DAB1: variants seen among roughly 807,000 people sequenced by gnomAD.
The protein encoded by DAB1 is disabled homolog 1.
In DAB1, 15 loss-of-function variants were observed where a neutral mutation model predicts 64.6. The observed-to-expected ratio is 0.23, with a 90% CI of 0.16 to 0.36. The LOEUF (loss-of-function observed/expected upper bound fraction) is 0.36. DAB1 is among the 10% of genes least tolerant of loss of function. DAB1 has a pLI of 1.00. For missense variants in DAB1, 596 were observed against 706.7 expected, an observed-to-expected ratio of 0.84 and a Z score of 1.78; for synonymous variants, 235 against 251.9, an observed-to-expected ratio of 0.93 and a Z score of 0.64.
At position 58,327,316 on chromosome 1, in the gene DAB1, A is replaced by T. The variant is rs548996286; in HGVS notation, n.309+16036T>A. Among the ~76,000 whole-genome samples, 4 of 152,264 alleles carry T rather than the reference A, an allele frequency of 2.6e-5. No homozygotes were observed. The South Asian group carries it at 8.3e-4, about 32-fold the overall frequency. ...GGGAGGGAGGAAGGAAGGAAGGAAG[A>T]GGAGAAGGAAGAGGAGGAGGCAGGC... On this transcript the variant is annotated intron_variant and non_coding_transcript_variant, in intron 4 of 20. Coordinates refer to the DAB1 transcript ENST00000485760.
Position 57,712,527 on chromosome 1 carries a change from A to G in DAB1, n.552-62862T>C, listed in dbSNP as rs188424955. 1.3e-3 allele frequency among the ~76,000 whole-genome samples: 195 copies of G among 152,248 alleles called. 1 individual carries two copies. Among genetic ancestry groups the G allele is most frequent in the Non-Finnish European group, 2.3e-3 (154 of 68,014 alleles). On this transcript the variant is annotated intron_variant and non_coding_transcript_variant, in intron 6 of 20. Transcript: ENST00000485760. ...AATATTCCAAATTATTTGCTTTTTT[A>G]ATGTTTTAAATGAATTAGAATAGGA...
intron 3 of DAB1, among the ~76,000 whole-genome samples, chr1:58,496,009 A>C (rs922623249): frequency 2.0e-5 from 3 of 152,178 alleles, no homozygotes; most frequent in Admixed American, 1.3e-4. Flanking sequence ...TACTCTGGGA[A>C]TCTCCTAAAA....
chr1:57,783,243 G>A (rs1049010478), intron 6 of DAB1, among the ~76,000 whole-genome samples: 1 of 151,440 alleles, frequency 6.6e-6, no homozygotes, highest in African/African-American at 2.4e-5. Flanking sequence ...TTGAATAGCT[G>A]GGACTAGAGG....
chr1:58,107,055 T>C (rs1361897529), intron 5 of DAB1, among the ~76,000 whole-genome samples: 1 of 151,704 alleles, frequency 6.6e-6, no homozygotes, highest in Non-Finnish European at 1.5e-5. Context: ...AATAACATAG[T>C]CCCAGCCTCC....
intron 4 of DAB1, among the ~76,000 whole-genome samples, chr1:57,119,152 A>G (rs756138905): frequency 6.6e-6 from 1 of 152,196 alleles, no homozygotes; most frequent in Non-Finnish European, 1.5e-5. Context: ...AACTATTTAC[A>G]TACAGGGCAG....
At chr1:57,456,825 G>C (rs1686612668) in intron 7 of DAB1, among the ~76,000 whole-genome samples, 1 of 151,854 alleles carries the variant, frequency 6.6e-6, no homozygotes, top group South Asian at 2.1e-4. Flanking sequence ...TGAAATTTCC[G>C]ACCTGTATCA....
At chr1:58,393,120 C>CTTTT (rs34546253) in intron 3 of DAB1, among the ~76,000 whole-genome samples, 69 of 117,088 alleles carry the variant, frequency 5.9e-4, no homozygotes, top group East Asian at 7.6e-4. Flanking sequence ...ACTTCCAAAT[C>CTTTT]TTTTTTTTTT....
At chr1:58,249,714 G>C (rs1660711790) in intron 4 of DAB1, among the ~76,000 whole-genome samples, 1 of 152,042 alleles carries the variant, frequency 6.6e-6, no homozygotes, top group Non-Finnish European at 1.5e-5. Context: ...GTTTCCCCGG[G>C]ACAGGAAGGG....
At chr1:58,431,806 C>T (rs1306399315) in intron 3 of DAB1, among the ~76,000 whole-genome samples, 1 of 152,022 alleles carries the variant, frequency 6.6e-6, no homozygotes, top group African/African-American at 2.4e-5. Context: ...CTGGTCTAAG[C>T]CATGGGCTCT....
chr1:57,768,705 GCTTT>G (rs745631901), intron 6 of DAB1, among the ~76,000 whole-genome samples: 31 of 151,628 alleles, frequency 2.0e-4, no homozygotes, highest in Non-Finnish European at 3.2e-4. Flanking sequence ...TTGCATATTG[GCTTT>G]CTATTTTTTT....
intron 6 of DAB1, among the ~76,000 whole-genome samples, chr1:57,664,142 G>C (rs888170328): frequency 6.6e-6 from 1 of 152,086 alleles, no homozygotes; most frequent in Non-Finnish European, 1.5e-5. Context: ...AAAGGATGTT[G>C]GCAAGGGTTT....
chr1:58,074,678 T>C (rs1649531951), intron 5 of DAB1, among the ~76,000 whole-genome samples: 1 of 150,226 alleles, frequency 6.7e-6, no homozygotes, highest in African/African-American at 2.5e-5. Context: ...ACAAGTAAAC[T>C]CGTCTTCCCA....
At chr1:57,818,631 G>A (rs1464069621) in intron 6 of DAB1, among the ~76,000 whole-genome samples, 2 of 151,868 alleles carry the variant, frequency 1.3e-5, no homozygotes, top group East Asian at 3.9e-4. Context: ...TACGCATTAG[G>A]TTCTATTGCT....
chr1:57,877,358 T>C (rs2101965268), intron 1 of DAB1, among the ~76,000 whole-genome samples: 1 of 152,182 alleles, frequency 6.6e-6, no homozygotes, highest in African/African-American at 2.4e-5. Context: ...TCTTGACCAT[T>C]ATGATACACT....
rs747611098 is a variant in DAB1 at position 57,566,237 on chromosome 1, G to A, written n.625+83355C>T. Reference sequence around the variant, plus strand: ...GTTCTTTGAAACCAATGAGAACAAAGACACAACATAGCAGAATCTCTGGGA... The same window carrying A: ...GTTCTTTGAAACCAATGAGAACAAAAACACAACATAGCAGAATCTCTGGGA... On this transcript the variant is annotated intron_variant and non_coding_transcript_variant, in intron 7 of 20. Coordinates refer to the DAB1 transcript ENST00000485760. Among the ~76,000 whole-genome samples the A allele has an allele frequency of 3.3e-5, 5 of 152,164 alleles. 1 individual carries two copies. The highest frequency in any genetic ancestry group is 7.3e-5 in the Non-Finnish European group (5 of 68,030).
At chr1:57,436,337 TTACAATCTTA>T (rs1429889073) in intron 7 of DAB1, among the ~76,000 whole-genome samples, 1 of 152,176 alleles carries the variant, frequency 6.6e-6, no homozygotes, top group Non-Finnish European at 1.5e-5. Flanking sequence ...TTCAGCTCCG[TTACAATCTTA>T]TAGGACCATC....
At chr1:57,073,873 T>A (rs1651739205) in intron 4 of DAB1, among the ~76,000 whole-genome samples, 1 of 152,164 alleles carries the variant, frequency 6.6e-6, no homozygotes, top group African/African-American at 2.4e-5. Context: ...AATGCCAAGT[T>A]TATTTGGAAT....
intron 7 of DAB1, among the ~76,000 whole-genome samples, chr1:57,622,918 C>T (rs1202335445): frequency 6.6e-6 from 1 of 152,170 alleles, no homozygotes. Flanking sequence ...CCTCCTAAGG[C>T]CAGCCAGAAG....
chr1:57,252,221 A>C (rs1030983630), intron 2 of DAB1, among the ~76,000 whole-genome samples: 3 of 152,202 alleles, frequency 2.0e-5, no homozygotes, highest in Non-Finnish European at 4.4e-5. Context: ...TTATCAGCGC[A>C]AATCTGGCCC....
Sources: allele counts gnomAD v4.1 joint callset (sites outside exome capture counted in the v4.1 genomes callset), GRCh38; gene constraint gnomAD v4.1.1; transcripts MANE v1.5; gene names NCBI Gene and HGNC (gene_info 2026-07-23, HGNC 2026-07-21).